RASSF3: variants seen among roughly 807,000 people sequenced by gnomAD.
The protein encoded by RASSF3 is ras association domain-containing protein 3.
In RASSF3, 19 loss-of-function variants were observed where a neutral mutation model predicts 19.9. That is an observed-to-expected ratio of 0.96 (90% CI 0.67 to 1.40). RASSF3 has a LOEUF of 1.40. RASSF3 is among the 40% of genes most tolerant of loss of function. The pLI is 0.00. For synonymous variants in RASSF3, 110 were observed against 104.2 expected (o/e 1.06, Z -0.34); for missense variants, 306 against 289.8 (o/e 1.06, Z -0.41).
At chr12:64,672,851 T>C (rs1394946860) in intron 1 of RASSF3, among the ~76,000 whole-genome samples, 1 of 152,208 alleles carries the variant, frequency 6.6e-6, no homozygotes, top group African/African-American at 2.4e-5. Context: ...CTTCAGACTT[T>C]GTTCTCCCTT....
At chr12:64,531,138 TC>T (rs1322395377), upstream of RASSF3, among the ~76,000 whole-genome samples, 5 of 152,226 alleles carry the variant, frequency 3.3e-5, no homozygotes, top group Non-Finnish European at 7.3e-5. Flanking sequence ...TCACAATGAT[TC>T]CCTCCTATGT....
chr12:64,569,749 T>C (rs755334681), intron 2 of RASSF3, among the ~76,000 whole-genome samples: 2 of 152,174 alleles, frequency 1.3e-5, no homozygotes, highest in Non-Finnish European at 2.9e-5. Context: ...GCAGATCACT[T>C]GAGATTGGGA....
intron 1 of RASSF3, among the ~76,000 whole-genome samples, chr12:64,525,612 A>T (rs1221496217): frequency 6.6e-6 from 1 of 152,160 alleles, no homozygotes; most frequent in Admixed American, 6.5e-5. Flanking sequence ...TCATTGGCCT[A>T]CTTAAGATCA....
At chr12:64,508,712 C>T (rs1306195855) in intron 1 of RASSF3, among the ~76,000 whole-genome samples, 2 of 152,000 alleles carry the variant, frequency 1.3e-5, no homozygotes, top group South Asian at 2.1e-4. Flanking sequence ...TGGAGAAACC[C>T]TGTCTCTACT....
intron 2 of RASSF3, among the ~76,000 whole-genome samples, chr12:64,577,670 G>A (rs898205607): frequency 6.6e-6 from 1 of 152,068 alleles, no homozygotes; most frequent in African/African-American, 2.4e-5. Flanking sequence ...AGGCAGGGGT[G>A]GCAGCGAGCC....
At chr12:64,626,510 A>G (rs1219053331) in intron 1 of RASSF3, among the ~76,000 whole-genome samples, 1 of 151,682 alleles carries the variant, frequency 6.6e-6, no homozygotes, top group African/African-American at 2.4e-5. Context: ...AAAAAAGAAA[A>G]AAAAAGAAAA....
intron 3 of RASSF3, among the ~76,000 whole-genome samples, chr12:64,689,999 T>C (rs549997486): frequency 3.2e-4 from 48 of 151,438 alleles, no homozygotes; most frequent in South Asian, 2.3e-3. Context: ...CTGTGTTAGC[T>C]AGGATGGTCT....
intron 1 of RASSF3, among the ~76,000 whole-genome samples, chr12:64,660,991 T>C (rs1216089900): frequency 6.6e-6 from 1 of 152,152 alleles, no homozygotes; most frequent in Non-Finnish European, 1.5e-5. Context: ...AGAACACCCC[T>C]TTCTTGTGAA....
At chr12:64,578,373 G>T (rs1869632262) in intron 2 of RASSF3, among the ~76,000 whole-genome samples, 1 of 152,160 alleles carries the variant, frequency 6.6e-6, no homozygotes, top group Admixed American at 6.6e-5. Context: ...AGATAATTAG[G>T]CCAGGTGTGG....
chr12:64,638,127 G>C (rs905505858), intron 1 of RASSF3, among the ~76,000 whole-genome samples: 2 of 152,204 alleles, frequency 1.3e-5, no homozygotes, highest in African/African-American at 4.8e-5. Flanking sequence ...TACGCCCCCG[G>C]CCTAGTTATC....
intron 1 of RASSF3, among the ~76,000 whole-genome samples, chr12:64,661,218 G>T (rs1329717225): frequency 6.6e-6 from 1 of 152,182 alleles, no homozygotes; most frequent in Non-Finnish European, 1.5e-5. Context: ...TACATAGCAG[G>T]TTCTTGGGCT....
intron 1 of RASSF3, among the ~76,000 whole-genome samples, chr12:64,675,280 T>C (rs1872855233): frequency 6.6e-6 from 1 of 152,120 alleles, no homozygotes. Context: ...CGCTTAAGGT[T>C]TTCTTGCTAT....
chr12:64,574,824 A>G (rs1592405293), intron 2 of RASSF3, among the ~76,000 whole-genome samples: 1 of 152,254 alleles, frequency 6.6e-6, no homozygotes, highest in African/African-American at 2.4e-5. Context: ...AGCATAGCCC[A>G]GATCACCTGA....
At chr12:64,675,634 G>A (rs1284721553) in intron 1 of RASSF3, among the ~76,000 whole-genome samples, 1 of 152,148 alleles carries the variant, frequency 6.6e-6, no homozygotes. Flanking sequence ...GCAAAGCTGT[G>A]TGCCTTGCCC....
intron 2 of RASSF3, among the ~76,000 whole-genome samples, chr12:64,565,534 G>A (rs1293997812): frequency 6.6e-6 from 1 of 152,132 alleles, no homozygotes; most frequent in Non-Finnish European, 1.5e-5. Context: ...CCAACATGGC[G>A]AAACCCCGTC....
chr12:64,530,125 A>C (rs893617426), upstream of RASSF3, among the ~76,000 whole-genome samples: 1 of 152,092 alleles, frequency 6.6e-6, no homozygotes, highest in African/African-American at 2.4e-5. Context: ...CTCACCTCTA[A>C]GTAACCTCTG....
intron 1 of RASSF3, among the ~76,000 whole-genome samples, chr12:64,612,065 A>G (rs1033948628): frequency 2.0e-5 from 3 of 152,148 alleles, no homozygotes; most frequent in Non-Finnish European, 2.9e-5. Flanking sequence ...GGGATCTCTT[A>G]CTTTCAGCAG....
intron 1 of RASSF3, among the ~76,000 whole-genome samples, chr12:64,621,508 G>A (rs533346200): frequency 2.0e-5 from 3 of 151,612 alleles, no homozygotes; most frequent in East Asian, 2.0e-4. Context: ...ATGGAGTTTC[G>A]GTCATGTTGC....
chr12:64,556,610 G>A (rs966850444), intron 2 of RASSF3, among the ~76,000 whole-genome samples: 2 of 152,032 alleles, frequency 1.3e-5, no homozygotes, highest in African/African-American at 2.4e-5. Context: ...TGGGTCCAGG[G>A]GTCTGCAGCC....
Sources: gnomAD v4.1 joint callset for allele counts (sites outside exome capture counted in the v4.1 genomes callset) on GRCh38, gnomAD v4.1.1 for gene constraint, MANE v1.5 for transcripts, NCBI Gene and HGNC (gene_info 2026-07-23, HGNC 2026-07-21) for gene names.